The following CNTN5 variants were observed in gnomAD, a reference collection of about 807,000 sequenced individuals.
CNTN5 encodes the protein contactin-5.
CNTN5 carries 77 observed loss-of-function variants against 129.1 expected under a neutral mutation model. The observed-to-expected ratio is 0.60, with a 90% CI of 0.50 to 0.72. The LOEUF is 0.72. Ranked by LOEUF, CNTN5 falls within the 30% of genes least tolerant of loss-of-function variation. The pLI, the probability that CNTN5 is intolerant of heterozygous loss-of-function variation, is 0.00. For synonymous variants in CNTN5, 509 were observed against 465.6 expected, an observed-to-expected ratio of 1.09 and a Z score of -1.20; for missense variants, 1,478 against 1,328.8, an observed-to-expected ratio of 1.11 and a Z score of -1.75.
At chr11:99,665,478 ATTTTTTT>A (rs34435537) in intron 3 of CNTN5, among the ~76,000 whole-genome samples, 21 of 65,954 alleles carry the variant, frequency 3.2e-4, no homozygotes, top group African/African-American at 1.0e-3. Flanking sequence ...TGAAACTACA[ATTTTTTT>A]TTTTTTTTTT....
intron 3 of CNTN5, 120 bp downstream of exon 3, chr11:99,556,389 C>CCTG: frequency 5.4e-6 from 3 of 556,318 alleles, no homozygotes; most frequent in South Asian, 3.7e-5. Context: ...AGTATTTATA[C>CCTG]TTTCCAACAA....
At chr11:99,141,876 G>T (rs563326309) in intron 1 of CNTN5, among the ~76,000 whole-genome samples, 1 of 152,068 alleles carries the variant, frequency 6.6e-6, no homozygotes, top group Non-Finnish European at 1.5e-5. Flanking sequence ...GTATGATTTC[G>T]ATTTCTTTGA....
At chr11:99,278,673 C>A (rs1468397492) in intron 1 of CNTN5, among the ~76,000 whole-genome samples, 1 of 151,606 alleles carries the variant, frequency 6.6e-6, no homozygotes, top group Non-Finnish European at 1.5e-5. Context: ...CCGCACTTTA[C>A]CAAGCTGAGG....
Position 99,542,883 on chromosome 11 carries a change from C to A in CNTN5, c.-70-13262C>A, listed in dbSNP as rs577718676. ...GGAGTTGCAAACAACTGGAAGCTGGCAGCTCACTGCTCCCTTTGCAGCTGA... is the reference window on the plus strand; with the variant it reads ...GGAGTTGCAAACAACTGGAAGCTGGAAGCTCACTGCTCCCTTTGCAGCTGA... On this transcript the variant is annotated intron_variant, in intron 2 of 24. Transcript: ENST00000524871. 4.6e-5 allele frequency among the ~76,000 whole-genome samples: 7 copies of A among 152,358 alleles called. No individual in the cohort carries two copies. The South Asian group carries it at 1.4e-3, about 32-fold the overall frequency.
intron 15 of CNTN5, among the ~76,000 whole-genome samples, chr11:100,201,314 T>G (rs1293851745): frequency 1.3e-5 from 2 of 151,894 alleles, no homozygotes; most frequent in East Asian, 3.9e-4. Context: ...CATTTTCCCT[T>G]TCCAATCTGA....
intron 9 of CNTN5, among the ~76,000 whole-genome samples, chr11:100,032,786 G>C (rs1037929080): frequency 8.3e-4 from 125 of 151,414 alleles, no homozygotes; most frequent in African/African-American, 3.0e-3. Flanking sequence ...CATAGTCTTT[G>C]AGTATAAAAA....
At chr11:99,719,352 A>C (rs1943090384) in intron 3 of CNTN5, among the ~76,000 whole-genome samples, 1 of 151,656 alleles carries the variant, frequency 6.6e-6, no homozygotes, top group Non-Finnish European at 1.5e-5. Context: ...AACATAATAG[A>C]GGATCTTATT....
At chr11:99,988,921 T>G (rs1289019599) in intron 8 of CNTN5, among the ~76,000 whole-genome samples, 1 of 152,096 alleles carries the variant, frequency 6.6e-6, no homozygotes, top group East Asian at 1.9e-4. Context: ...TAAGTCACCT[T>G]AATATTATTT....
At chr11:100,203,241 T>C (rs1202692614) in intron 15 of CNTN5, among the ~76,000 whole-genome samples, 2 of 152,060 alleles carry the variant, frequency 1.3e-5, no homozygotes, top group African/African-American at 2.4e-5. Context: ...TCCCATTAAT[T>C]AAAGCTCATT....
intron 21 of CNTN5, among the ~76,000 whole-genome samples, chr11:100,333,408 G>GAAAAAAAAAAA (rs547220238): frequency 5.4e-5 from 4 of 74,266 alleles, no homozygotes; most frequent in Non-Finnish European, 9.8e-5. Flanking sequence ...CACTGAATTA[G>GAAAAAAAAAAA]AAAAAAAAAA....
chr11:100,295,451 ATTT>A (rs1295297289), intron 18 of CNTN5, among the ~76,000 whole-genome samples: 1 of 151,252 alleles, frequency 6.6e-6, no homozygotes, highest in African/African-American at 2.4e-5. Context: ...TTTTTTTTTA[ATTT>A]TTTACTCACA....
chr11:99,502,319 G>C (rs1946453698), intron 2 of CNTN5, among the ~76,000 whole-genome samples: 1 of 151,972 alleles, frequency 6.6e-6, no homozygotes, highest in Non-Finnish European at 1.5e-5. Flanking sequence ...AATATGGTTA[G>C]GCTTTGTGTC....
chr11:99,856,291 C>A (rs1054092366), intron 6 of CNTN5, among the ~76,000 whole-genome samples: 2 of 152,184 alleles, frequency 1.3e-5, no homozygotes, highest in African/African-American at 2.4e-5. Flanking sequence ...AAGTTCAAGT[C>A]CTCTTCAGCT....
chr11:100,259,694 T>A (rs1482960345), intron 17 of CNTN5, among the ~76,000 whole-genome samples: 2 of 151,982 alleles, frequency 1.3e-5, no homozygotes, highest in African/African-American at 2.4e-5. Context: ...CCTGAATGAC[T>A]ACTGGGTAAA....
chr11:99,122,957 C>T (rs79812783), intron 1 of CNTN5, among the ~76,000 whole-genome samples: 8,865 of 152,084 alleles, frequency 0.058, 270 homozygotes, highest in African/African-American at 0.075. Context: ...CATGGGCATT[C>T]AGGTTGATTT....
chr11:99,625,957 A>C (rs945535794), intron 3 of CNTN5, among the ~76,000 whole-genome samples: 1 of 151,578 alleles, frequency 6.6e-6, no homozygotes, highest in Non-Finnish European at 1.5e-5. Flanking sequence ...AATCTAATGA[A>C]ATTTAGGATT....
chr11:99,261,994 T>C (rs944944553), intron 1 of CNTN5, among the ~76,000 whole-genome samples: 3 of 152,034 alleles, frequency 2.0e-5, no homozygotes, highest in Admixed American at 6.6e-5. Flanking sequence ...AATCTCCTAA[T>C]TGAGCTTCTG....
At position 99,736,633 on chromosome 11, in the gene CNTN5, A is replaced by G. The variant is rs1438078605; in HGVS notation, c.56-82911A>G. Among the ~76,000 whole-genome samples the G allele has an allele frequency of 3.3e-5, 5 of 152,216 alleles. No homozygotes were observed. In the East Asian group the frequency reaches 9.6e-4, roughly 29 times the overall value. On this transcript the variant is annotated intron_variant, in intron 3 of 24. Transcript: ENST00000524871. ...TTACTTGTTTCAAGCTCAGGAAACA[A>G]TACCAGTTAACCATGTATGTGAGAT... is the stretch of plus-strand genomic sequence containing the variant.
intron 2 of CNTN5, among the ~76,000 whole-genome samples, chr11:99,461,947 C>A (rs1367039270): frequency 1.3e-5 from 2 of 152,004 alleles, no homozygotes; most frequent in African/African-American, 4.8e-5. Context: ...TAAATTGATG[C>A]CTAAAACTTC....
Sources: allele counts gnomAD v4.1 joint callset (sites outside exome capture counted in the v4.1 genomes callset), GRCh38; gene constraint gnomAD v4.1.1; transcripts MANE v1.5; gene names NCBI Gene and HGNC (gene_info 2026-07-23, HGNC 2026-07-21).